The following CDKAL1 variants were observed in gnomAD, a reference collection of about 807,000 sequenced individuals.
CDKAL1 encodes the protein CDKAL1 threonylcarbamoyladenosine tRNA methylthiotransferase.
CDKAL1 carries 32 observed loss-of-function variants against 68.2 expected under a neutral mutation model. The observed-to-expected ratio is 0.47, with a 90% CI of 0.35 to 0.63. The LOEUF is 0.63. Among genes scored for constraint, CDKAL1 ranks in the 30% least tolerant of loss-of-function variants. The pLI is 0.00. For missense variants in CDKAL1, 606 were observed against 696.7 expected, an observed-to-expected ratio of 0.87 and a Z score of 1.47; for synonymous variants, 234 against 244.3, an observed-to-expected ratio of 0.96 and a Z score of 0.39.
intron 10 of CDKAL1, among the ~76,000 whole-genome samples, chr6:20,996,012 G>T (rs1767086895): frequency 6.6e-6 from 1 of 152,214 alleles, no homozygotes; most frequent in Non-Finnish European, 1.5e-5. Context: ...TGCTTATTCA[G>T]TTTGCACTTT....
intron 4 of CDKAL1, among the ~76,000 whole-genome samples, chr6:20,644,667 C>CAAAACAAAAACAAAAACA (rs1342396638): frequency 3.3e-5 from 5 of 150,688 alleles, no homozygotes; most frequent in African/African-American, 1.2e-4. Context: ...GACTCCGTCT[C>CAAAACAAAAACAAAAACA]AAAACAAAAA....
intron 5 of CDKAL1, among the ~76,000 whole-genome samples, chr6:20,679,327 C>A (rs543352870): frequency 6.6e-6 from 1 of 152,284 alleles, no homozygotes; most frequent in South Asian, 2.1e-4. Flanking sequence ...ATTTTCTCAC[C>A]CTACACATTT....
intron 10 of CDKAL1, among the ~76,000 whole-genome samples, chr6:20,965,835 A>C (rs1241996547): frequency 6.6e-6 from 1 of 152,192 alleles, no homozygotes; most frequent in Non-Finnish European, 1.5e-5. Context: ...TTAATTTAGG[A>C]AGTCAGTTAT....
At chr6:20,744,137 A>C (rs1015559903) in intron 6 of CDKAL1, among the ~76,000 whole-genome samples, 1 of 152,046 alleles carries the variant, frequency 6.6e-6, no homozygotes, top group Non-Finnish European at 1.5e-5. Flanking sequence ...TATTACTGCT[A>C]TTTGTTTATG....
At chr6:20,840,290 C>A (rs1778123193) in intron 8 of CDKAL1, among the ~76,000 whole-genome samples, 1 of 152,144 alleles carries the variant, frequency 6.6e-6, no homozygotes, top group African/African-American at 2.4e-5. Context: ...TCCCCTCAAA[C>A]TATTTTAAAG....
chr6:21,003,371 T>TATATATATATATATATATATACACAC, intron 11 of CDKAL1, among the ~76,000 whole-genome samples: 2 of 49,302 alleles, frequency 4.1e-5, no homozygotes, highest in Non-Finnish European at 6.9e-5. Context: ...TATATATATA[T>TATATATATATATATATATATACACAC]ACACACACAC....
chr6:21,118,139 G>A (rs992124608), intron 13 of CDKAL1, among the ~76,000 whole-genome samples: 5 of 152,110 alleles, frequency 3.3e-5, no homozygotes, highest in African/African-American at 9.7e-5. Context: ...TTGTTTCTCC[G>A]TGATACATTT....
intron 13 of CDKAL1, among the ~76,000 whole-genome samples, chr6:21,113,401 C>A (rs1460010626): frequency 1.3e-5 from 2 of 152,030 alleles, no homozygotes; most frequent in African/African-American, 2.4e-5. Flanking sequence ...AATCTCAGCA[C>A]TTTGGGAGGC....
chr6:20,955,499 C>G lies in CDKAL1; in HGVS notation c.823C>G (p.Leu275Val). Residue 275 changes from leucine (L) to valine (V), a missense_variant, in exon 10 of 16, where the codon CTG becomes GTG. Leu to Val is a conservative substitution (Grantham distance 32). Transcript: ENST00000274695. ...TATTGGCACCAATCTCCCCACACTCCTGTGGAAACTGGTTGAAGTGATTCC... is the reference window on the plus strand; with the variant it reads ...TATTGGCACCAATCTCCCCACACTCGTGTGGAAACTGGTTGAAGTGATTCC... ...RDIGTNLPTL[L>V]WKLVEVIPEG... The G allele has an allele frequency of 6.2e-7, 1 of 1,614,146 alleles. No homozygotes were observed. Among genetic ancestry groups the G allele is most frequent in the Non-Finnish European group, 8.5e-7 (1 of 1,179,986 alleles).
chr6:20,732,915 C>T (rs142532771), intron 5 of CDKAL1, among the ~76,000 whole-genome samples: 8 of 152,288 alleles, frequency 5.3e-5, no homozygotes, highest in African/African-American at 1.9e-4. Context: ...AGTCTGTATA[C>T]GTATCCTCAT....
At chr6:20,730,194 G>A (rs181567790) in intron 5 of CDKAL1, among the ~76,000 whole-genome samples, 17 of 151,922 alleles carry the variant, frequency 1.1e-4, no homozygotes, top group South Asian at 2.1e-4. Flanking sequence ...GCATGGTGGC[G>A]TGTGCCTGTA....
At chr6:20,693,248 T>C (rs1395821348) in intron 5 of CDKAL1, among the ~76,000 whole-genome samples, 1 of 152,148 alleles carries the variant, frequency 6.6e-6, no homozygotes, top group Non-Finnish European at 1.5e-5. Context: ...CCTCTCACTT[T>C]TTTCTTCCAT....
At chr6:20,635,749 T>G (rs1767878124) in intron 4 of CDKAL1, among the ~76,000 whole-genome samples, 2 of 152,200 alleles carry the variant, frequency 1.3e-5, no homozygotes, top group African/African-American at 4.8e-5. Context: ...CTCTATCCTC[T>G]TAGGGTCTTT....
chr6:20,612,098 G>A (rs533906671), intron 4 of CDKAL1, among the ~76,000 whole-genome samples: 70 of 151,970 alleles, frequency 4.6e-4, no homozygotes, highest in Non-Finnish European at 8.2e-4. Flanking sequence ...TTTCTTTATG[G>A]CCAAATAGCA....
At chr6:21,202,111 G>A (rs552873066) in intron 15 of CDKAL1, among the ~76,000 whole-genome samples, 5 of 152,094 alleles carry the variant, frequency 3.3e-5, no homozygotes, top group African/African-American at 9.7e-5. Context: ...AGGGAATACC[G>A]CTTCACTCTG....
At chr6:20,874,313 T>G (rs926028264) in intron 9 of CDKAL1, among the ~76,000 whole-genome samples, 36 of 150,728 alleles carry the variant, frequency 2.4e-4, no homozygotes, top group South Asian at 1.1e-3. Flanking sequence ...TTGTTTGTTT[T>G]TTTTTTGAGA....
chr6:20,623,863 G>A (rs1358610796), intron 4 of CDKAL1, among the ~76,000 whole-genome samples: 1 of 152,018 alleles, frequency 6.6e-6, no homozygotes, highest in African/African-American at 2.4e-5. Context: ...TTAAGCCCAG[G>A]TTCTTCATCT....
At chr6:21,092,846 C>A in intron 12 of CDKAL1, among the ~76,000 whole-genome samples, 1 of 148,706 alleles carries the variant, frequency 6.7e-6, no homozygotes, top group African/African-American at 2.5e-5. Flanking sequence ...AAAAATAATT[C>A]TTAGACATTA....
At chr6:21,149,944 G>A (rs913154848) in intron 13 of CDKAL1, among the ~76,000 whole-genome samples, 8 of 151,986 alleles carry the variant, frequency 5.3e-5, no homozygotes, top group Admixed American at 3.3e-4. Flanking sequence ...TGCAAGCTCC[G>A]CCTCCTGGGT....
Sources: allele counts gnomAD v4.1 joint callset (sites outside exome capture counted in the v4.1 genomes callset), GRCh38; gene constraint gnomAD v4.1.1; transcripts MANE v1.5; gene names NCBI Gene and HGNC (gene_info 2026-07-23, HGNC 2026-07-21).